The following MECOM variants were observed in gnomAD, a reference collection of about 807,000 sequenced individuals.
MECOM encodes the protein MDS1 and EVI1 complex locus, also known as histone-lysine N-methyltransferase MECOM.
In MECOM, 13 loss-of-function variants were observed where a neutral mutation model predicts 116.3. That is an observed-to-expected ratio of 0.11 (90% CI 0.07 to 0.18). The LOEUF is 0.18. MECOM is among the 10% of genes least tolerant of loss of function. MECOM has a pLI of 1.00. For missense variants in MECOM, 1,299 were observed against 1,509.0 expected (o/e 0.86, Z 2.31); for synonymous variants, 528 against 535.2 (o/e 0.99, Z 0.19).
At chr3:169,511,517 T>A (rs1755955353) in intron 1 of MECOM, among the ~76,000 whole-genome samples, 1 of 152,168 alleles carries the variant, frequency 6.6e-6, no homozygotes, top group South Asian at 2.1e-4. Flanking sequence ...GTCCCAGCAC[T>A]TTGGGAGGCC....
At chr3:169,600,585 C>T (rs1440318477) in intron 1 of MECOM, among the ~76,000 whole-genome samples, 1 of 152,172 alleles carries the variant, frequency 6.6e-6, no homozygotes, top group Non-Finnish European at 1.5e-5. Flanking sequence ...CTGCAAAAGG[C>T]TTAGAAATTG....
At chr3:169,128,424 T>C (rs1733616172) in intron 4 of MECOM, among the ~76,000 whole-genome samples, 1 of 152,208 alleles carries the variant, frequency 6.6e-6, no homozygotes, top group South Asian at 2.1e-4. Context: ...GAATTGTAAG[T>C]CAGATTTTTA....
At chr3:169,585,465 T>A (rs1280060207) in intron 1 of MECOM, among the ~76,000 whole-genome samples, 1 of 152,234 alleles carries the variant, frequency 6.6e-6, no homozygotes, top group East Asian at 1.9e-4. Flanking sequence ...GCTCATTTCC[T>A]TTATTAAACC....
intron 2 of MECOM, among the ~76,000 whole-genome samples, chr3:169,328,593 A>G (rs912810086): frequency 6.6e-6 from 1 of 152,222 alleles, no homozygotes; most frequent in Non-Finnish European, 1.5e-5. Flanking sequence ...ACCAATGTCT[A>G]TGAATGTATA....
intron 2 of MECOM, among the ~76,000 whole-genome samples, chr3:169,371,802 C>T (rs754163446): frequency 3.9e-5 from 6 of 151,908 alleles, no homozygotes; most frequent in Non-Finnish European, 8.8e-5. Context: ...TGCTGACCAC[C>T]GTTGTTAGGT....
In MECOM at chr3:169,239,034, A is replaced by G. The variant is rs569801574; in HGVS notation, c.376-95202T>C. Among the ~76,000 whole-genome samples, 13 of 152,282 alleles carry G rather than the reference A, an allele frequency of 8.5e-5. No individual in the cohort carries two copies. The South Asian group carries it at 2.7e-3, about 32-fold the overall frequency. ...CACTATATATTTTTTGAAATGCAGAATAATTCTTGCTTTTTATGGGTTCCA... is the reference window on the plus strand; with the variant it reads ...CACTATATATTTTTTGAAATGCAGAGTAATTCTTGCTTTTTATGGGTTCCA... On this transcript the variant is annotated intron_variant, in intron 2 of 16. Coordinates refer to ENST00000651503, the MANE Select transcript of MECOM (RefSeq NM_004991.4).
intron 2 of MECOM, among the ~76,000 whole-genome samples, chr3:169,230,185 A>T (rs1160495717): frequency 6.6e-6 from 1 of 152,038 alleles, no homozygotes; most frequent in African/African-American, 2.4e-5. Context: ...CCAGGCCAGA[A>T]CTTTGAGACC....
chr3:169,608,466 A>T lies in MECOM; in HGVS notation c.37+54870T>A, dbSNP rs548564801. Among the ~76,000 whole-genome samples the T allele has an allele frequency of 3.9e-5, 6 of 152,172 alleles. 1 individual carries two copies. In the South Asian group the frequency reaches 1.2e-3, roughly 32 times the overall value. ...AGAGATTTTCAAAGGTGGCATCTGGAGTCAGCCTGGTGTTTTTTCTTCCAC... is the reference window on the plus strand; with the variant it reads ...AGAGATTTTCAAAGGTGGCATCTGGTGTCAGCCTGGTGTTTTTTCTTCCAC... On this transcript the variant is annotated intron_variant, in intron 1 of 16. Coordinates refer to ENST00000651503, the MANE Select transcript of MECOM (RefSeq NM_004991.4).
At chr3:169,662,714 A>ACCCG (rs1294409414) in intron 1 of MECOM, among the ~76,000 whole-genome samples, 2 of 151,400 alleles carry the variant, frequency 1.3e-5, no homozygotes, top group Non-Finnish European at 2.9e-5. Context: ...GGCGCAGTCC[A>ACCCG]CCCGCCCGCC....
intron 1 of MECOM, among the ~76,000 whole-genome samples, chr3:169,420,740 A>C (rs1235746871): frequency 6.6e-6 from 1 of 152,102 alleles, no homozygotes; most frequent in East Asian, 1.9e-4. Context: ...TGAATTTTCA[A>C]CCTCACTAAC....
intron 2 of MECOM, among the ~76,000 whole-genome samples, chr3:169,293,737 G>A (rs1022540995): frequency 6.6e-6 from 1 of 152,132 alleles, no homozygotes; most frequent in African/African-American, 2.4e-5. Context: ...AGTCCATGAG[G>A]GTATGGAGTT....
intron 2 of MECOM, among the ~76,000 whole-genome samples, chr3:169,378,451 A>G (rs1560196665): frequency 1.6e-4 from 7 of 44,790 alleles, no homozygotes; most frequent in African/African-American, 9.1e-4. Flanking sequence ...GAAAGAAAGA[A>G]GGAAAGCAAG....
At chr3:169,336,835 G>C (rs905990062) in intron 2 of MECOM, among the ~76,000 whole-genome samples, 1 of 152,042 alleles carries the variant, frequency 6.6e-6, no homozygotes, top group African/African-American at 2.4e-5. Flanking sequence ...ACAGCATTTT[G>C]TTTCAGAGAT....
chr3:169,233,997 G>A (rs1458697498), intron 2 of MECOM, among the ~76,000 whole-genome samples: 1 of 151,936 alleles, frequency 6.6e-6, no homozygotes, highest in South Asian at 2.1e-4. Flanking sequence ...TAGTAGATAC[G>A]GTTACAATAT....
At position 169,309,351 on chromosome 3, in the gene MECOM, T is replaced by C. The variant is rs1718317384; in HGVS notation, c.375+71836A>G. On this transcript the variant is annotated intron_variant, in intron 2 of 16. Coordinates refer to ENST00000651503, the MANE Select transcript of MECOM (RefSeq NM_004991.4). ...TTTGCATATTTTTATCTTATAAAAA[T>C]TATCAGAGAATTGAATAAACTCATT... 2.6e-5 allele frequency among the ~76,000 whole-genome samples: 4 copies of C among 152,336 alleles called. No individual in the cohort carries two copies. In the South Asian group the frequency reaches 8.3e-4, roughly 32 times the overall value.
intron 2 of MECOM, among the ~76,000 whole-genome samples, chr3:169,295,705 C>T (rs1284673194): frequency 1.3e-5 from 2 of 152,120 alleles, no homozygotes; most frequent in East Asian, 3.9e-4. Flanking sequence ...TCTTCTTCTC[C>T]TTAAAGTCAA....
chr3:169,322,927 G>A (rs924833295), intron 2 of MECOM, among the ~76,000 whole-genome samples: 3 of 149,704 alleles, frequency 2.0e-5, no homozygotes, highest in African/African-American at 7.5e-5. Context: ...GAACCCGGGG[G>A]GGGCAGAGTT....
intron 1 of MECOM, among the ~76,000 whole-genome samples, chr3:169,613,317 C>A (rs1769510174): frequency 6.6e-6 from 1 of 152,204 alleles, no homozygotes; most frequent in African/African-American, 2.4e-5. Flanking sequence ...CAAGCCCCTA[C>A]TACTCATCAA....
At chr3:169,089,213 T>A (rs1718861252) in intron 15 of MECOM, 30 bp from the exon 16 acceptor site, 1 of 1,434,576 alleles carries the variant, frequency 7.0e-7, no homozygotes, top group African/African-American at 1.5e-5. Context: ...AACACAGAAA[T>A]TTTCTTTTCA....
Sources: allele counts gnomAD v4.1 joint callset (sites outside exome capture counted in the v4.1 genomes callset), GRCh38; gene constraint gnomAD v4.1.1; transcripts MANE v1.5; gene names NCBI Gene and HGNC (gene_info 2026-07-23, HGNC 2026-07-21).